Variants in CHEK1 observed in about 807,000 individuals in gnomAD.
The protein encoded by CHEK1 is serine/threonine-protein kinase Chk1.
In CHEK1, 32 loss-of-function variants were observed where a neutral mutation model predicts 60.2. The ratio of observed to expected loss-of-function variants is 0.53; its 90% CI spans 0.40 to 0.71. The LOEUF (loss-of-function observed/expected upper bound fraction) is 0.71. CHEK1 is among the 30% of genes least tolerant of loss of function. The pLI is 0.00. For synonymous variants in CHEK1, 179 were observed against 187.2 expected, an observed-to-expected ratio of 0.96 and a Z score of 0.36; for missense variants, 399 against 564.6, an observed-to-expected ratio of 0.71 and a Z score of 2.97.
chr11:125,635,774 C>T (rs1236324114), intron 7 of CHEK1: 2 of 247,570 alleles, frequency 8.1e-6, no homozygotes, highest in Non-Finnish European at 1.5e-5. Flanking sequence ...TGAATCTGCT[C>T]TTAGATGGCT....
intron 1 of CHEK1, chr11:125,626,436 C>T (rs1940612494): frequency 4.4e-6 from 2 of 452,910 alleles, no homozygotes; most frequent in Non-Finnish European, 7.9e-6. Context: ...TCTCCCTCCT[C>T]CTTCCCCAGT....
chr11:125,639,829 T>C (rs1230001959), intron 8 of CHEK1, among the ~76,000 whole-genome samples: 2 of 152,202 alleles, frequency 1.3e-5, no homozygotes, highest in Non-Finnish European at 2.9e-5. Flanking sequence ...TCTTTCATCC[T>C]GTATTGCTGT....
At chr11:125,668,173 T>A (rs1184491076) in intron 13 of CHEK1, among the ~76,000 whole-genome samples, 1 of 152,214 alleles carries the variant, frequency 6.6e-6, no homozygotes, top group Non-Finnish European at 1.5e-5. Flanking sequence ...GTCCTAACAA[T>A]GTCTTTTGTA....
exon 14 of CHEK1, chr11:125,676,182 T>A (rs111936881): frequency 8.0e-6 from 6 of 749,732 alleles, no homozygotes; most frequent in African/African-American, 5.3e-5. Context: ...TGCTGGGATT[T>A]TAGGTGTGAG....
At chr11:125,664,929 T>C (rs987650065) in intron 13 of CHEK1, among the ~76,000 whole-genome samples, 5 of 152,214 alleles carry the variant, frequency 3.3e-5, no homozygotes, top group Non-Finnish European at 7.3e-5. Context: ...AGAACTTTAA[T>C]TCATTTTCAG....
At chr11:125,665,094 AG>A (rs1942075229) in intron 13 of CHEK1, among the ~76,000 whole-genome samples, 1 of 152,044 alleles carries the variant, frequency 6.6e-6, no homozygotes, top group Non-Finnish European at 1.5e-5. Flanking sequence ...ATAAAAATGT[AG>A]ATTTATTTCT....
At chr11:125,668,511 C>G (rs1942139580) in intron 13 of CHEK1, among the ~76,000 whole-genome samples, 1 of 151,816 alleles carries the variant, frequency 6.6e-6, no homozygotes, top group Admixed American at 6.6e-5. Flanking sequence ...TTTAAAATTT[C>G]ATTTTAATTT....
chr11:125,646,659 C>G (rs1350627317), intron 11 of CHEK1, among the ~76,000 whole-genome samples: 1 of 152,066 alleles, frequency 6.6e-6, no homozygotes, highest in Non-Finnish European at 1.5e-5. Context: ...TTTGCTATGG[C>G]CATCCTAGTG....
intron 13 of CHEK1, among the ~76,000 whole-genome samples, chr11:125,669,541 T>TG (rs1942160062): frequency 7.5e-6 from 1 of 133,874 alleles, no homozygotes; most frequent in South Asian, 2.4e-4. Flanking sequence ...TTTTTTTTTT[T>TG]GTGATGAAGT....
chr11:125,679,424 G>A (rs532793872), downstream of CHEK1, among the ~76,000 whole-genome samples: 1 of 151,944 alleles, frequency 6.6e-6, no homozygotes, highest in East Asian at 1.9e-4. Context: ...CGCCATGTTG[G>A]CCAGGCTGGT....
chr11:125,648,634 C>CTTT (rs746598087), intron 11 of CHEK1, among the ~76,000 whole-genome samples: 1 of 136,438 alleles, frequency 7.3e-6, no homozygotes, highest in Non-Finnish European at 1.6e-5. Context: ...AATTGTTTTA[C>CTTT]TTTTTTTTTT....
chr11:125,636,841 G>T, intron 7 of CHEK1, among the ~76,000 whole-genome samples: 1 of 150,648 alleles, frequency 6.6e-6, no homozygotes. Flanking sequence ...CTTGTCCTTT[G>T]TGGTCCCTGA....
downstream of CHEK1, chr11:125,677,819 T>TGCTTGAAATTGAAACAG: frequency 6.2e-7 from 1 of 1,614,126 alleles, no homozygotes; most frequent in South Asian, 1.1e-5. Context: ...TTGAAATTGG[T>TGCTTGAAATTGAAACAG]GCACCTGAAG....
At chr11:125,643,922 T>C in intron 9 of CHEK1, 22 bp downstream of exon 9, 1 of 1,590,790 alleles carries the variant, frequency 6.3e-7, no homozygotes, top group Non-Finnish European at 8.6e-7. Context: ...AAAGATTGAG[T>C]AGTTTTTGAT....
intron 13 of CHEK1, chr11:125,671,723 A>G (rs1458358346): frequency 6.6e-6 from 1 of 152,192 alleles, no homozygotes; most frequent in Non-Finnish European, 1.5e-5. Flanking sequence ...TTGGAACAAC[A>G]TGGAGTATGA....
intron 8 of CHEK1, among the ~76,000 whole-genome samples, chr11:125,638,907 C>T (rs1343765871): frequency 3.3e-5 from 5 of 152,140 alleles, no homozygotes; most frequent in Non-Finnish European, 5.9e-5. Context: ...TCTTTGAACA[C>T]GCTGCACTGA....
At chr11:125,642,587 T>G (rs1046568596) in intron 8 of CHEK1, among the ~76,000 whole-genome samples, 5 of 152,112 alleles carry the variant, frequency 3.3e-5, no homozygotes, top group African/African-American at 1.2e-4. Flanking sequence ...TAAGCATGTT[T>G]AAGTGGTTTG....
chr11:125,658,331 G>T (rs746841518), downstream of CHEK1, among the ~76,000 whole-genome samples: 14 of 152,252 alleles, frequency 9.2e-5, no homozygotes, highest in South Asian at 4.1e-4. Context: ...TATATGTGTG[G>T]TGTTAATTTG....
chr11:125,643,120 A>G (rs576305656), intron 8 of CHEK1: 7 of 152,134 alleles, frequency 4.6e-5, no homozygotes, highest in Admixed American at 2.6e-4. Flanking sequence ...AAAAAGTTCT[A>G]GTCCTTTAGC....
Sources: gnomAD v4.1 joint callset for allele counts (sites outside exome capture counted in the v4.1 genomes callset) on GRCh38, gnomAD v4.1.1 for gene constraint, MANE v1.5 for transcripts, NCBI Gene and HGNC (gene_info 2026-07-23, HGNC 2026-07-21) for gene names.